RAP1GDS1: variants seen among roughly 807,000 people sequenced by gnomAD.
RAP1GDS1 encodes the protein Rap1 GTPase-GDP dissociation stimulator 1.
RAP1GDS1 carries 35 observed loss-of-function variants against 71.1 expected under a neutral mutation model. The observed-to-expected ratio is 0.49, with a 90% CI of 0.38 to 0.65. The LOEUF (loss-of-function observed/expected upper bound fraction) is 0.65, where lower values mean the gene tolerates loss of function less well. Ranked by LOEUF, RAP1GDS1 falls within the 30% of genes least tolerant of loss-of-function variation. RAP1GDS1 has a pLI of 0.00. For synonymous variants in RAP1GDS1, 229 were observed against 243.1 expected (o/e 0.94, Z 0.54); for missense variants, 663 against 706.1 (o/e 0.94, Z 0.69).
intron 2 of RAP1GDS1, among the ~76,000 whole-genome samples, chr4:98,303,509 A>T (rs1728868790): frequency 6.6e-6 from 1 of 151,416 alleles, no homozygotes; most frequent in Admixed American, 6.6e-5. Context: ...CTGAAGCTTT[A>T]TAGGCCAGCA....
intron 1 of RAP1GDS1, among the ~76,000 whole-genome samples, chr4:98,292,658 A>G: frequency 6.6e-6 from 1 of 152,170 alleles, no homozygotes; most frequent in East Asian, 1.9e-4. Flanking sequence ...GTTAATGTGC[A>G]GTAGGTTTAT....
intron 4 of RAP1GDS1, among the ~76,000 whole-genome samples, chr4:98,355,845 G>A (rs771397486): frequency 1.3e-5 from 2 of 152,108 alleles, no homozygotes; most frequent in Non-Finnish European, 2.9e-5. Context: ...ACCGCTAAAT[G>A]GGACGGAGTA....
At chr4:98,283,447 T>C (rs1725480589) in intron 1 of RAP1GDS1, among the ~76,000 whole-genome samples, 1 of 152,140 alleles carries the variant, frequency 6.6e-6, no homozygotes. Context: ...AAGACTACCA[T>C]ATTAGGCATT....
At chr4:98,300,631 C>T (rs1728444172) in intron 2 of RAP1GDS1, among the ~76,000 whole-genome samples, 1 of 152,136 alleles carries the variant, frequency 6.6e-6, no homozygotes, top group African/African-American at 2.4e-5. Flanking sequence ...AAACTCCTGA[C>T]CTCAGGTGAT....
chr4:98,409,629 G>A, intron 7 of RAP1GDS1: 1 of 244,222 alleles, frequency 4.1e-6, no homozygotes, highest in African/African-American at 2.3e-5. Context: ...AAAAGAAAAA[G>A]AAGGGAGCCA....
intron 1 of RAP1GDS1, among the ~76,000 whole-genome samples, chr4:98,292,883 G>A (rs116830885): frequency 0.014 from 2,102 of 152,200 alleles, 43 homozygotes; most frequent in African/African-American, 0.048. Context: ...AAATATGCAT[G>A]TTAGGGCTTA....
chr4:98,364,378 C>G (rs900522079), intron 4 of RAP1GDS1, among the ~76,000 whole-genome samples: 3 of 152,066 alleles, frequency 2.0e-5, no homozygotes, highest in Non-Finnish European at 2.9e-5. Context: ...CCTGAAAATT[C>G]AAGTGACTTA....
At chr4:98,288,030 ATTTG>A (rs915583868) in intron 1 of RAP1GDS1, among the ~76,000 whole-genome samples, 6 of 152,024 alleles carry the variant, frequency 3.9e-5, no homozygotes, top group African/African-American at 7.2e-5. Flanking sequence ...CAGTTTTCTT[ATTTG>A]TTTTTCTTTT....
chr4:98,384,870 G>A (rs1391280315), intron 5 of RAP1GDS1, among the ~76,000 whole-genome samples: 1 of 151,604 alleles, frequency 6.6e-6, no homozygotes, highest in Non-Finnish European at 1.5e-5. Context: ...TCTCAGCATT[G>A]TTAGCTTCTA....
intron 14 of RAP1GDS1, 81 bp downstream of exon 14, chr4:98,437,149 G>GT: frequency 7.4e-7 from 1 of 1,342,672 alleles, no homozygotes; most frequent in East Asian, 2.7e-5. Flanking sequence ...GTAAATGATG[G>GT]TTTTGGGTTT....
At chr4:98,293,544 C>A in intron 2 of RAP1GDS1, 29 bp downstream of exon 2, 2 of 1,525,544 alleles carry the variant, frequency 1.3e-6, no homozygotes, top group East Asian at 2.3e-5. Context: ...ACTCAAATTC[C>A]AAAGAAGAAA....
intron 4 of RAP1GDS1, among the ~76,000 whole-genome samples, chr4:98,353,937 C>A (rs1252039668): frequency 6.6e-6 from 1 of 152,086 alleles, no homozygotes; most frequent in Non-Finnish European, 1.5e-5. Context: ...ATATATTAGA[C>A]CTCAGCTGAG....
intron 12 of RAP1GDS1, among the ~76,000 whole-genome samples, chr4:98,424,648 C>G (rs1749354025): frequency 6.6e-6 from 1 of 151,946 alleles, no homozygotes; most frequent in Non-Finnish European, 1.5e-5. Flanking sequence ...GTAATCCCAG[C>G]TACTGGGGAG....
intron 2 of RAP1GDS1, among the ~76,000 whole-genome samples, chr4:98,307,362 G>T (rs150752393): frequency 5.5e-4 from 84 of 151,892 alleles, no homozygotes; most frequent in African/African-American, 1.9e-3. Flanking sequence ...TTGAAAAATT[G>T]TTATTGTTTT....
rs529666317 is a variant in RAP1GDS1 at position 98,319,560 on chromosome 4, C to T, written c.113-23579C>T. 7.6e-4 allele frequency among the ~76,000 whole-genome samples: 115 copies of T among 152,052 alleles called. 2 individuals carry two copies. The highest frequency in any genetic ancestry group is 2.7e-3 in the African/African-American group (110 of 41,474). ...CTTTGGGAGGCCGGGGTGAGCAGAT[C>T]ACTTGAGGTCAGGAGTTCAAGACCA... is the stretch of plus-strand genomic sequence containing the variant. On this transcript the variant is annotated intron_variant, in intron 2 of 14. Coordinates refer to ENST00000408927, the MANE Select transcript of RAP1GDS1 (RefSeq NM_001100427.2).
At chr4:98,292,011 C>T (rs1727021137) in intron 1 of RAP1GDS1, among the ~76,000 whole-genome samples, 1 of 152,024 alleles carries the variant, frequency 6.6e-6, no homozygotes, top group Non-Finnish European at 1.5e-5. Context: ...TATATTGAGA[C>T]TAAATTTTCT....
At chr4:98,281,488 C>T (rs1276618186) in intron 1 of RAP1GDS1, among the ~76,000 whole-genome samples, 5 of 151,946 alleles carry the variant, frequency 3.3e-5, no homozygotes, top group Non-Finnish European at 7.4e-5. Flanking sequence ...AAGTTGCTTA[C>T]CAGCTTAAGG....
In RAP1GDS1 at chr4:98,442,310, A is replaced by C. The variant is rs1751987037; in HGVS notation, c.*193A>C. ...TAGTTAGTGTGATCATGACTTTGTC[A>C]AAGGCAAGTCTCCACCCATAACCGT... is the stretch of plus-strand genomic sequence containing the variant. On this transcript the variant is annotated 3_prime_UTR_variant, in exon 15 of 15. Coordinates refer to ENST00000408927, the MANE Select transcript of RAP1GDS1 (RefSeq NM_001100427.2). The C allele has an allele frequency of 1.4e-6, 1 of 703,944 alleles. No individual in the cohort carries two copies. The highest frequency in any genetic ancestry group is 1.8e-5 in the African/African-American group (1 of 55,928). 43.6% of individuals were successfully genotyped at this position (703,944 alleles called of 1,614,324 possible). A position where few individuals can be genotyped will look rare whatever the true frequency, so the allele number is the denominator to read the frequency against.
chr4:98,360,548 T>A (rs1738585977), intron 4 of RAP1GDS1, among the ~76,000 whole-genome samples: 1 of 152,206 alleles, frequency 6.6e-6, no homozygotes, highest in African/African-American at 2.4e-5. Flanking sequence ...AGTCAAAGTT[T>A]AGATATGTGA....
Sources: allele counts gnomAD v4.1 joint callset (sites outside exome capture counted in the v4.1 genomes callset), GRCh38; gene constraint gnomAD v4.1.1; transcripts MANE v1.5; gene names NCBI Gene and HGNC (gene_info 2026-07-23, HGNC 2026-07-21).